The following TEAD4 variants were observed in gnomAD, a reference collection of about 807,000 sequenced individuals.
The protein encoded by TEAD4 is TEA domain transcription factor 4, also known as transcriptional enhancer factor TEF-3.
A neutral mutation model predicts 52.4 loss-of-function variants in TEAD4; 36 were observed. The ratio of observed to expected loss-of-function variants is 0.69; its 90% CI spans 0.53 to 0.91. The LOEUF is 0.91. TEAD4 is among the 40% of genes least tolerant of loss of function. The probability of loss-of-function intolerance (pLI) is 0.00; values close to 1 mark genes in which losing one functional copy is unlikely to be tolerated. For synonymous variants in TEAD4, 220 were observed against 231.0 expected (o/e 0.95, Z 0.43); for missense variants, 508 against 583.9 (o/e 0.87, Z 1.34).
Position 2,994,480 on chromosome 12 carries a change from A to G in TEAD4, c.-29-258A>G, listed in dbSNP as rs2098245608. On this transcript the variant is annotated intron_variant, in intron 2 of 12. Coordinates refer to ENST00000359864, the MANE Select transcript of TEAD4 (RefSeq NM_003213.4). The surrounding 1 kb of genome is among the most constrained non-coding windows in gnomAD (Gnocchi z 4.7). ...CCCCGGCACTGCATCCTTGTCTCCTACTTTTCAGCCCTTGTCTGGGTTCCT... is the reference window on the plus strand; with the variant it reads ...CCCCGGCACTGCATCCTTGTCTCCTGCTTTTCAGCCCTTGTCTGGGTTCCT... 6.6e-6 allele frequency among the ~76,000 whole-genome samples: 1 copy of G among 152,046 alleles called. No individual in the cohort carries two copies. Among genetic ancestry groups the G allele is most frequent in the African/African-American group, 2.4e-5 (1 of 41,400 alleles).
In TEAD4 at chr12:2,994,812, C is replaced by T. The variant is rs765447889; in HGVS notation, c.46C>T (p.Pro16Ser). Reference sequence around the variant, plus strand: ...CATTACCTCCAACGAGTGGAGCTCTCCCACCTCCCCTGAGGGGAGCACCGC... The same window carrying T: ...CATTACCTCCAACGAGTGGAGCTCTTCCACCTCCCCTGAGGGGAGCACCGC... Residue 16 changes from proline (P) to serine (S), a missense_variant, in exon 3 of 13, where the codon CCC becomes TCC. Pro to Ser is a moderately conservative substitution (Grantham distance 74). Transcript: ENST00000359864. The surrounding 1 kb of genome is among the most constrained non-coding windows in gnomAD (Gnocchi z 4.7). 3 of 1,613,836 alleles carry T rather than the reference C, an allele frequency of 1.9e-6. No homozygotes were observed. The highest frequency in any genetic ancestry group is 1.3e-5 in the African/African-American group (1 of 75,058).
rs748759779 is a variant in TEAD4 at position 2,994,783 on chromosome 12, GC to G, written c.18del (p.Thr7ProfsTer74). On this transcript the variant is annotated frameshift_variant, in exon 3 of 13. Coordinates refer to ENST00000359864, the MANE Select transcript of TEAD4 (RefSeq NM_003213.4). LOFTEE classifies it high-confidence loss of function. The surrounding 1 kb of genome is among the most constrained non-coding windows in gnomAD (Gnocchi z 4.7). ...AGCGGAGCCTTGGAGGGCACGGCCGGCACCATTACCTCCAACGAGTGGAGCT... is the reference window on the plus strand; with the variant it reads ...AGCGGAGCCTTGGAGGGCACGGCCGGACCATTACCTCCAACGAGTGGAGCT... 1.4e-5 allele frequency: 22 copies of G among 1,612,126 alleles called. No homozygotes were observed. Among genetic ancestry groups the G allele is most frequent in the Non-Finnish European group, 1.8e-5 (21 of 1,179,218 alleles).
intron 2 of TEAD4, among the ~76,000 whole-genome samples, chr12:2,993,449 C>A (rs1319767392): frequency 6.6e-6 from 1 of 151,838 alleles, no homozygotes; most frequent in African/African-American, 2.4e-5. Context: ...CTGCACCCTG[C>A]CGACTACTTT....
intron 2 of TEAD4, among the ~76,000 whole-genome samples, chr12:2,988,582 T>C (rs1056112301): frequency 2.0e-5 from 3 of 151,498 alleles, no homozygotes; most frequent in Non-Finnish European, 2.9e-5. Context: ...ATCCTTGCAA[T>C]CTTCAAAACG....
At chr12:2,987,720 C>G (rs1330433054) in intron 2 of TEAD4, among the ~76,000 whole-genome samples, 1 of 151,384 alleles carries the variant, frequency 6.6e-6, no homozygotes, top group East Asian at 2.0e-4. Context: ...CCGTGCCCAG[C>G]CTGGAATCAG....
Position 2,975,900 on chromosome 12 carries a change from T to G in TEAD4, c.-30+15860T>G, listed in dbSNP as rs147521509. Among the ~76,000 whole-genome samples, 266 of 152,334 alleles carry G rather than the reference T, an allele frequency of 1.7e-3. 2 individuals carry two copies. Among genetic ancestry groups the G allele is most frequent in the Non-Finnish European group, 3.6e-3 (245 of 68,028 alleles). On this transcript the variant is annotated intron_variant, in intron 2 of 12. Transcript: ENST00000359864. Reference sequence around the variant, plus strand: ...TTTGACTGTCCCTGTAGTTTTGCCTTTTCTAGAATGTCATATGGTTGGAAT... The same window carrying G: ...TTTGACTGTCCCTGTAGTTTTGCCTGTTCTAGAATGTCATATGGTTGGAAT...
At chr12:2,970,197 A>G (rs527755872) in intron 2 of TEAD4, among the ~76,000 whole-genome samples, 11 of 152,370 alleles carry the variant, frequency 7.2e-5, no homozygotes, top group Admixed American at 2.6e-4. Context: ...CTTTCCACAC[A>G]AAGCGCTAGA....
At chr12:3,036,823 G>A (rs539721620) in intron 10 of TEAD4, among the ~76,000 whole-genome samples, 6 of 152,272 alleles carry the variant, frequency 3.9e-5, no homozygotes, top group African/African-American at 1.4e-4. Context: ...CTGCCTCAGA[G>A]TCCCCAAAGC....
chr12:3,018,270 G>A (rs371734424), intron 6 of TEAD4, among the ~76,000 whole-genome samples: 1 of 152,196 alleles, frequency 6.6e-6, no homozygotes, highest in South Asian at 2.1e-4. Context: ...TGAGCCTTAG[G>A]TCTGCACTGT....
chr12:2,992,247 G>A (rs1326893392), intron 2 of TEAD4, among the ~76,000 whole-genome samples: 1 of 151,920 alleles, frequency 6.6e-6, no homozygotes, highest in African/African-American at 2.4e-5. Flanking sequence ...TCGAACTCCT[G>A]ACCTCAGGGG....
intron 2 of TEAD4, among the ~76,000 whole-genome samples, chr12:2,969,046 T>C (rs2098222927): frequency 6.6e-6 from 1 of 152,208 alleles, no homozygotes; most frequent in South Asian, 2.1e-4. Context: ...GTAGGCACCC[T>C]TTACAGCAGT....
intron 2 of TEAD4, among the ~76,000 whole-genome samples, chr12:2,965,523 A>C (rs1282476717): frequency 6.6e-6 from 1 of 152,082 alleles, no homozygotes; most frequent in Non-Finnish European, 1.5e-5. Context: ...GTGTTTTCTT[A>C]AACCCTAGTG....
chr12:2,971,290 G>A (rs554780704), intron 2 of TEAD4, among the ~76,000 whole-genome samples: 15 of 152,154 alleles, frequency 9.9e-5, no homozygotes, highest in Admixed American at 3.3e-4. Context: ...AGAGTGGGTG[G>A]GGTTCTGACA....
At chr12:3,017,628 C>G in intron 6 of TEAD4, 102 bp downstream of exon 6, 2 of 1,441,648 alleles carry the variant, frequency 1.4e-6, no homozygotes, top group Non-Finnish European at 1.8e-6. Context: ...ATTTCTCTCA[C>G]CTGAGTCCTC....
intron 4 of TEAD4, among the ~76,000 whole-genome samples, 185 bp downstream of exon 4, chr12:3,011,253 G>T (rs376677290): frequency 2.0e-5 from 3 of 151,904 alleles, no homozygotes; most frequent in African/African-American, 7.3e-5. Context: ...TTTCTGAGAC[G>T]GGGTTTCACT....
At chr12:2,974,519 C>G (rs1271257062) in intron 2 of TEAD4, among the ~76,000 whole-genome samples, 1 of 152,156 alleles carries the variant, frequency 6.6e-6, no homozygotes, top group Non-Finnish European at 1.5e-5. Context: ...TCATTCTTCC[C>G]CCTGGGGGTG....
chr12:3,012,649 TC>T (rs915574857), intron 5 of TEAD4, among the ~76,000 whole-genome samples: 18 of 152,140 alleles, frequency 1.2e-4, no homozygotes, highest in Non-Finnish European at 1.9e-4. Context: ...GCTGGCAAAT[TC>T]CTTCCTGCTT....
chr12:2,985,746 C>T (rs996025357), intron 2 of TEAD4, among the ~76,000 whole-genome samples: 2 of 152,110 alleles, frequency 1.3e-5, no homozygotes, highest in Admixed American at 6.5e-5. Context: ...CCTCGTGATC[C>T]ACCTACCTCA....
chr12:3,021,633 A>G (rs990405971), intron 9 of TEAD4, among the ~76,000 whole-genome samples: 1 of 152,208 alleles, frequency 6.6e-6, no homozygotes, highest in African/African-American at 2.4e-5. Flanking sequence ...TAGCTGAGGA[A>G]CCCATGAACC....
Sources: allele counts gnomAD v4.1 joint callset (sites outside exome capture counted in the v4.1 genomes callset), GRCh38; gene constraint gnomAD v4.1.1; non-coding constraint Gnocchi (gnomAD v3.1); transcripts MANE v1.5; gene names NCBI Gene and HGNC (gene_info 2026-07-23, HGNC 2026-07-21).